Variants in STON2 observed in about 807,000 individuals in gnomAD.
STON2 encodes the protein stonin-2.
In STON2, 29 loss-of-function variants were observed where a neutral mutation model predicts 65.7. The ratio of observed to expected loss-of-function variants is 0.44; its 90% confidence interval spans 0.33 to 0.60. The LOEUF (loss-of-function observed/expected upper bound fraction) is 0.60, where lower values mean the gene tolerates loss of function less well. STON2 is among the 20% of genes least tolerant of loss of function. The probability of loss-of-function intolerance (pLI) is 0.03; values close to 1 mark genes in which losing one functional copy is unlikely to be tolerated. For missense variants in STON2, 1,054 were observed against 1,118.1 expected (o/e 0.94, Z 0.82); for synonymous variants, 404 against 414.2 (o/e 0.98, Z 0.30).
rs769630899 is a variant in STON2, at chr14:81,413,593, A to G, written c.-199+13509T>C. Among the ~76,000 whole-genome samples, 3 of 139,046 alleles carry G rather than the reference A, an allele frequency of 2.2e-5. 1 individual carries two copies. 91.2% of individuals were successfully genotyped at this position (139,046 alleles called of 152,430 possible). On this transcript the variant is annotated intron_variant, in intron 2 of 8. Coordinates refer to the STON2 transcript ENST00000553821. The stretch of plus-strand genomic sequence containing the variant: ...GGCAGATCAAGTGGTCAGGTGTTCG[A>G]GACCAGCCTGACCAACATGGTGAAA...
At chr14:81,369,677 A>G (rs1898899693) in intron 4 of STON2, among the ~76,000 whole-genome samples, 1 of 152,224 alleles carries the variant, frequency 6.6e-6, no homozygotes, top group African/African-American at 2.4e-5. Context: ...TGGAGTCATA[A>G]AGATAGTAAG....
intron 4 of STON2, among the ~76,000 whole-genome samples, chr14:81,366,567 G>A (rs923274598): frequency 2.0e-5 from 3 of 152,152 alleles, no homozygotes; most frequent in East Asian, 1.9e-4. Flanking sequence ...TAAAGGGCAC[G>A]GCAGGGGGTG....
intron 5 of STON2, among the ~76,000 whole-genome samples, chr14:81,305,923 A>G (rs1276912111): frequency 6.6e-6 from 1 of 152,084 alleles, no homozygotes; most frequent in Non-Finnish European, 1.5e-5. Flanking sequence ...GAATCTGAAA[A>G]TGGTTGTTGC....
chr14:81,288,858 C>T (rs542279987), intron 5 of STON2, among the ~76,000 whole-genome samples: 2 of 152,062 alleles, frequency 1.3e-5, no homozygotes, highest in South Asian at 2.1e-4. Context: ...TTTTAGCACA[C>T]TTCTTATACC....
intron 5 of STON2, among the ~76,000 whole-genome samples, chr14:81,305,757 AG>A (rs1437680707): frequency 6.6e-6 from 1 of 151,052 alleles, no homozygotes; most frequent in Non-Finnish European, 1.5e-5. Flanking sequence ...GTCCTTTTTA[AG>A]TCTCGTTTAA....
chr14:81,277,306 C>T lies in STON2; in HGVS notation c.2176G>A (p.Ala726Thr), dbSNP rs748960892. Residue 726 changes from alanine (A) to threonine (T), a missense_variant, in exon 6 of 8, where the codon GCG becomes ACG. Ala to Thr is a moderately conservative substitution (Grantham distance 58, BLOSUM62 0). Transcript: ENST00000614646. ...AACCGCATTAGCTCAAACCGGCACGCATCCAAAGGGTTGAACAGAATGACC... is the reference window on the plus strand; with the variant it reads ...AACCGCATTAGCTCAAACCGGCACGTATCCAAAGGGTTGAACAGAATGACC... The part of the protein sequence containing the change: ...SRVILFNPLD[A>T]CRFELMRFRT... The T allele has an allele frequency of 6.2e-7, 1 of 1,614,204 alleles. No homozygotes were observed.
intron 4 of STON2, chr14:81,332,967 CT>C (rs1566913040): frequency 2.1e-6 from 1 of 471,198 alleles, no homozygotes. Flanking sequence ...CACCTCATTT[CT>C]TTTTAGCGAC....
chr14:81,410,179 CA>C (rs1389713154), intron 2 of STON2, among the ~76,000 whole-genome samples: 2 of 143,266 alleles, frequency 1.4e-5, no homozygotes, highest in Non-Finnish European at 3.0e-5. Context: ...CTGATATCAA[CA>C]ATCATTTGTT....
At chr14:81,313,077 T>C (rs1896488249) in intron 5 of STON2, among the ~76,000 whole-genome samples, 1 of 152,224 alleles carries the variant, frequency 6.6e-6, no homozygotes, top group African/African-American at 2.4e-5. Context: ...GTCTACAATT[T>C]CCATTCTACA....
At chr14:81,316,359 T>TA (rs1369686880) in intron 5 of STON2, among the ~76,000 whole-genome samples, 1 of 152,224 alleles carries the variant, frequency 6.6e-6, no homozygotes, top group Non-Finnish European at 1.5e-5. Context: ...TAATCCAGCT[T>TA]ACTTTCTCTA....
At chr14:81,366,648 C>T (rs887019195) in intron 4 of STON2, among the ~76,000 whole-genome samples, 5 of 152,044 alleles carry the variant, frequency 3.3e-5, no homozygotes, top group South Asian at 2.1e-4. Flanking sequence ...ACCAATCATA[C>T]CGAACTCCCC....
intron 4 of STON2, among the ~76,000 whole-genome samples, chr14:81,366,017 G>T (rs1335894410): frequency 1.3e-5 from 2 of 152,146 alleles, no homozygotes; most frequent in Non-Finnish European, 2.9e-5. Context: ...GTGGAGATGA[G>T]GGGTAAGAGA....
At chr14:81,407,129 G>A (rs150909780) in intron 2 of STON2, among the ~76,000 whole-genome samples, 183 of 152,258 alleles carry the variant, frequency 1.2e-3, no homozygotes, top group African/African-American at 4.3e-3. Flanking sequence ...GAAAACAGTT[G>A]CCTCATAGAT....
At chr14:81,268,597 A>AT (rs1894449686) in intron 7 of STON2, 100 bp from the exon 8 acceptor site, 5 of 1,262,328 alleles carry the variant, frequency 4.0e-6, no homozygotes, top group Non-Finnish European at 5.1e-6. Flanking sequence ...GAAATTTCTT[A>AT]TAATTTTGCT....
rs2140093511 is a variant in STON2, at chr14:81,268,237, T to G, written c.*177A>C. ...TCTCCAAAAGCCACCATTCTCAGGG[T>G]TTCCTGGTAAAATACAAGTAACTGC... is the stretch of plus-strand genomic sequence containing the variant. On this transcript the variant is annotated 3_prime_UTR_variant, in exon 8 of 8. Coordinates refer to ENST00000614646, the MANE Select transcript of STON2 (RefSeq NM_001394390.1). 1 of 1,152,654 alleles carries G rather than the reference T, an allele frequency of 8.7e-7. No homozygotes were observed. 71.4% of individuals were successfully genotyped at this position (1,152,654 alleles called of 1,614,324 possible).
At chr14:81,420,513 A>G (rs1280259115) in intron 2 of STON2, among the ~76,000 whole-genome samples, 1 of 152,210 alleles carries the variant, frequency 6.6e-6, no homozygotes, top group African/African-American at 2.4e-5. Context: ...ACTAAGATCC[A>G]GCACCTGCCT....
intron 5 of STON2, among the ~76,000 whole-genome samples, chr14:81,322,320 C>T (rs1470522451): frequency 1.3e-5 from 2 of 152,230 alleles, no homozygotes; most frequent in Non-Finnish European, 2.9e-5. Context: ...GTGCCGTTAA[C>T]TGCATGGGCG....
In STON2 at chr14:81,270,558, T is replaced by C. The variant is rs760007177; in HGVS notation, c.2784+112A>G. 18 of 1,598,742 alleles carry C rather than the reference T, an allele frequency of 1.1e-5. No individual in the cohort carries two copies. In the South Asian group the frequency reaches 1.9e-4, roughly 17 times the overall value. On this transcript the variant is annotated intron_variant, in intron 7 of 7. Coordinates refer to ENST00000614646, the MANE Select transcript of STON2 (RefSeq NM_001394390.1). ...GTATGGTGAACTTCCTCTAAGGCAG[T>C]AAGAGGTTACCAGGCGAACATAGTA...
intron 4 of STON2, among the ~76,000 whole-genome samples, chr14:81,351,729 T>C (rs1163239552): frequency 5.9e-5 from 9 of 152,172 alleles, no homozygotes; most frequent in Admixed American, 5.9e-4. Flanking sequence ...CCTAGTCCAG[T>C]TCCCCAGTCC....
Sources: gnomAD v4.1 joint callset for allele counts (sites outside exome capture counted in the v4.1 genomes callset) on GRCh38, gnomAD v4.1.1 for gene constraint, MANE v1.5 for transcripts, NCBI Gene and HGNC (gene_info 2026-07-23, HGNC 2026-07-21) for gene names.